SP110: variants seen among roughly 807,000 people sequenced by gnomAD.
The protein encoded by SP110 is interferon-induced protein 41, 30kD.
SP110 carries 62 observed loss-of-function variants against 92.7 expected under a neutral mutation model. The observed-to-expected ratio is 0.67, with a 90% confidence interval of 0.55 to 0.83. The LOEUF is 0.83. Among genes scored for constraint, SP110 ranks in the 40% least tolerant of loss-of-function variants. The pLI, the probability that SP110 is intolerant of heterozygous loss-of-function variation, is 0.00. For missense variants in SP110, 793 were observed against 863.9 expected, an observed-to-expected ratio of 0.92 and a Z score of 1.03; for synonymous variants, 273 against 305.3, an observed-to-expected ratio of 0.89 and a Z score of 1.10.
Position 230,201,042 on chromosome 2 carries a change from T to G in SP110, c.1049-77A>C, listed in dbSNP as rs2043134344. 2.7e-6 allele frequency: 3 copies of G among 1,123,498 alleles called. No individual in the cohort carries two copies. In the African/African-American group the frequency reaches 4.6e-5, roughly 17 times the overall value. 69.6% of individuals were successfully genotyped at this position (1,123,498 alleles called of 1,614,324 possible). A position where few individuals can be genotyped will look rare whatever the true frequency, so the allele number is the denominator to read the frequency against. On this transcript the variant is annotated intron_variant, in intron 9 of 18. Transcript: ENST00000258381. ...TCTCCCAGAGACCCAGGAAGGCCCT[T>G]GCACACTCTGAAGTTGAGTCTTGGA... is the stretch of plus-strand genomic sequence containing the variant.
At chr2:230,220,526 C>G (rs28364594), upstream of SP110, among the ~76,000 whole-genome samples, 2 of 152,170 alleles carry the variant, frequency 1.3e-5, no homozygotes, top group African/African-American at 4.8e-5. Flanking sequence ...TGTGCAGAGG[C>G]AGGCAGACCT....
Position 230,216,927 on chromosome 2 carries a change from TC to T in SP110, c.-1del. On this transcript the variant is annotated splice_region_variant and 5_prime_UTR_variant, in exon 2 of 19. Coordinates refer to ENST00000258381, the MANE Select transcript of SP110 (RefSeq NM_080424.4). ...TCCATGGCTCTTGTCATGGTGAACATCCTATGGAAAGAGGCATGATAAAAAA... is the reference window on the plus strand; with the variant it reads ...TCCATGGCTCTTGTCATGGTGAACATCTATGGAAAGAGGCATGATAAAAAA... 1 of 1,613,186 alleles carries T rather than the reference TC, an allele frequency of 6.2e-7. No individual in the cohort carries two copies. Among genetic ancestry groups the T allele is most frequent in the Non-Finnish European group, 8.5e-7 (1 of 1,179,786 alleles).
chr2:230,170,692 C>G lies in SP110; in HGVS notation c.1957G>C (p.Glu653Gln). 1 of 1,614,106 alleles carries G rather than the reference C, an allele frequency of 6.2e-7. No homozygotes were observed. The highest frequency in any genetic ancestry group is 8.5e-7 in the Non-Finnish European group (1 of 1,179,986). ...ACAAACCATGCCACCGTGTACATTTCCGTAATCAGCCTTTCCTTAACCAGG... is the reference window on the plus strand; with the variant it reads ...ACAAACCATGCCACCGTGTACATTTGCGTAATCAGCCTTTCCTTAACCAGG... ...LDLVKERLIT[E>Q]MYTVAWFVRD... Residue 653 changes from glutamate (E) to glutamine (Q), a missense_variant, in exon 18 of 19, where the codon GAA (glutamate) becomes CAA (glutamine). Physicochemically the swap from Glu to Gln is conservative, Grantham distance 29 (BLOSUM62 2). Transcript: ENST00000258381.
intron 14 of SP110, chr2:230,176,668 C>T (rs201566888): frequency 5.6e-6 from 9 of 1,613,824 alleles, no homozygotes; most frequent in African/African-American, 5.3e-5. Context: ...TAGAAATTCA[C>T]TTGCTATTTA....
intron 10 of SP110, among the ~76,000 whole-genome samples, chr2:230,191,931 T>C (rs1392674690): frequency 1.3e-5 from 2 of 152,196 alleles, no homozygotes; most frequent in Non-Finnish European, 2.9e-5. Flanking sequence ...AAAAAACTTA[T>C]TCACCATGAT....
At chr2:230,222,613 A>T (rs1246806207), upstream of SP110, among the ~76,000 whole-genome samples, 1 of 151,822 alleles carries the variant, frequency 6.6e-6, no homozygotes, top group South Asian at 2.1e-4. Flanking sequence ...GGTCCCCGCT[A>T]TCAGGGAGAC....
chr2:230,190,998 C>A (rs1305572766), intron 10 of SP110, among the ~76,000 whole-genome samples: 2 of 152,092 alleles, frequency 1.3e-5, no homozygotes, highest in African/African-American at 2.4e-5. Flanking sequence ...GGGATGCATC[C>A]CGTTTTATCC....
intron 1 of SP110, among the ~76,000 whole-genome samples, chr2:230,219,325 A>C (rs1240599838): frequency 1.3e-5 from 2 of 152,212 alleles, no homozygotes; most frequent in Non-Finnish European, 2.9e-5. Context: ...AATAGTAATA[A>C]TCTCAGACAC....
At chr2:230,170,485 T>C (rs1401982887) in intron 18 of SP110, 136 bp downstream of exon 18, 5 of 1,066,354 alleles carry the variant, frequency 4.7e-6, no homozygotes, top group Non-Finnish European at 5.7e-6. Flanking sequence ...GCCGAGGTGG[T>C]TTTTTTTCTG....
chr2:230,217,351 A>G (rs2045329738), intron 1 of SP110, among the ~76,000 whole-genome samples: 3 of 152,096 alleles, frequency 2.0e-5, no homozygotes, highest in Admixed American at 1.3e-4. Context: ...TCCCAAAGGC[A>G]TCCTTAGTAG....
intron 8 of SP110, among the ~76,000 whole-genome samples, chr2:230,206,000 G>C (rs977939239): frequency 6.6e-6 from 1 of 152,140 alleles, no homozygotes; most frequent in Non-Finnish European, 1.5e-5. Flanking sequence ...GAATGGGGGA[G>C]AAAGCAGCTT....
At chr2:230,221,824 C>T, upstream of SP110, 1 of 1,156,488 alleles carries the variant, frequency 8.6e-7, no homozygotes, top group South Asian at 1.3e-5. Context: ...AACAAACAAA[C>T]AAAAGTAAAG....
rs528707562 is a variant in SP110, at chr2:230,180,600, C to T, written c.1349-2345G>A. Among the ~76,000 whole-genome samples, 384 of 152,238 alleles carry T rather than the reference C, an allele frequency of 2.5e-3. 1 individual carries two copies. The highest frequency in any genetic ancestry group is 2.3e-3 in the Non-Finnish European group (155 of 68,012). Reference sequence around the variant, plus strand: ...GGGTCAGATGTGGAGAGAGAATTGCCGGTGGTCACCATATTACATGAGGTG... The same window carrying T: ...GGGTCAGATGTGGAGAGAGAATTGCTGGTGGTCACCATATTACATGAGGTG... On this transcript the variant is annotated intron_variant, in intron 12 of 18. Coordinates refer to ENST00000258381, the MANE Select transcript of SP110 (RefSeq NM_080424.4).
intron 11 of SP110, among the ~76,000 whole-genome samples, chr2:230,185,009 G>A (rs79777557): frequency 7.3e-4 from 111 of 152,332 alleles, no homozygotes; most frequent in Middle Eastern, 3.4e-3. Flanking sequence ...GCAGAGTCGA[G>A]TAGTTGCATC....
Position 230,172,046 on chromosome 2 carries a change from G to C in SP110, c.1815+20C>G, listed in dbSNP as rs199946971. The C allele has an allele frequency of 2.9e-5, 41 of 1,397,616 alleles. No homozygotes were observed. The highest frequency in any genetic ancestry group is 4.1e-5 in the Non-Finnish European group (40 of 982,058). 86.6% of individuals were successfully genotyped at this position (1,397,616 alleles called of 1,614,324 possible). A position where few individuals can be genotyped will look rare whatever the true frequency, so the allele number is the denominator to read the frequency against. On this transcript the variant is annotated intron_variant, in intron 16 of 18. Transcript: ENST00000258381. ...TGTGAGAAGGGAAAAGTATAGGTTT[G>C]GGGTTTGCATCCAACTCACCAGCTG...
chr2:230,200,845 T>C, intron 10 of SP110, 40 bp downstream of exon 10: 2 of 1,420,602 alleles, frequency 1.4e-6, no homozygotes, highest in South Asian at 2.3e-5. Context: ...TTTAGATTCC[T>C]GGTGACTGTA....
rs73100102 is a variant in SP110, at chr2:230,208,484, A to C, written c.830-425T>G. Among the ~76,000 whole-genome samples, 1,240 of 152,294 alleles carry C rather than the reference A, an allele frequency of 8.1e-3. 11 individuals are homozygous for C. Among genetic ancestry groups the C allele is most frequent in the African/African-American group, 0.028 (1,172 of 41,560 alleles). ...AGGCAGAAGGATTGTCTTAGAAGAG[A>C]AGGAGGGAACTCGGAGAGGAGGGAG... On this transcript the variant is annotated intron_variant, in intron 7 of 18. Coordinates refer to ENST00000258381, the MANE Select transcript of SP110 (RefSeq NM_080424.4).
intron 11 of SP110, 119 bp from the exon 12 acceptor site, chr2:230,183,759 A>G: frequency 1.4e-6 from 1 of 732,766 alleles, no homozygotes; most frequent in East Asian, 2.5e-5. Context: ...CAAGTTACAT[A>G]TGAGTCCTTA....
At position 230,172,897 on chromosome 2, in the gene SP110, A is replaced by G. The variant is rs768181968; in HGVS notation, c.1653T>C (p.Thr551=). 3 of 1,614,178 alleles carry G rather than the reference A, an allele frequency of 1.9e-6. No individual in the cohort carries two copies. The highest frequency in any genetic ancestry group is 2.5e-6 in the Non-Finnish European group (3 of 1,180,010). ...CQGGQLLCCG[T]CPRVFHEDCH... is the part of the protein sequence containing the mutation. ...AGTCCTCATGGAAGACTCGTGGACAAGTACCGCAGCAGAGAAGTTGTCCCC... is the reference window on the plus strand; with the variant it reads ...AGTCCTCATGGAAGACTCGTGGACAGGTACCGCAGCAGAGAAGTTGTCCCC... The change falls in exon 15 of 19, where the codon ACT becomes ACC. Residue 551 remains threonine, a synonymous_variant. Transcript: ENST00000258381.
Sources: allele counts gnomAD v4.1 joint callset (sites outside exome capture counted in the v4.1 genomes callset), GRCh38; gene constraint gnomAD v4.1.1; transcripts MANE v1.5; gene names NCBI Gene and HGNC (gene_info 2026-07-23, HGNC 2026-07-21).